Variants in GMPS observed in about 807,000 individuals in gnomAD.
GMPS encodes GMP synthase [glutamine-hydrolyzing].
A neutral mutation model predicts 77.9 loss-of-function variants in GMPS; 15 were observed. That is an observed-to-expected ratio of 0.19 (90% CI 0.13 to 0.30). The LOEUF (loss-of-function observed/expected upper bound fraction) is 0.30, where lower values mean the gene tolerates loss of function less well. GMPS is among the 10% of genes least tolerant of loss of function. The pLI, the probability that GMPS is intolerant of heterozygous loss-of-function variation, is 1.00. For missense variants in GMPS, 590 were observed against 838.8 expected, an observed-to-expected ratio of 0.70 and a Z score of 3.66; for synonymous variants, 224 against 275.9, an observed-to-expected ratio of 0.81 and a Z score of 1.86.
chr3:155,870,316 C>G (rs1362313582), upstream of GMPS, among the ~76,000 whole-genome samples: 4 of 152,244 alleles, frequency 2.6e-5, no homozygotes, highest in Non-Finnish European at 5.9e-5. Context: ...CAGGCAAATC[C>G]GGCAGCAGCA....
Position 155,939,252 on chromosome 3 carries a change from G to A in GMPS, c.*1560G>A, listed in dbSNP as rs947917395. The A allele has an allele frequency of 4.6e-6, 1 of 219,458 alleles. No homozygotes were observed. Among genetic ancestry groups the A allele is most frequent in the African/African-American group, 2.2e-5 (1 of 44,692 alleles). 13.6% of individuals were successfully genotyped at this position (219,458 alleles called of 1,614,324 possible). On this transcript the variant is annotated 3_prime_UTR_variant, in exon 16 of 16. Coordinates refer to ENST00000496455, the MANE Select transcript of GMPS (RefSeq NM_003875.3). ...CCTTCTGGAAAGAGGCTATGTTAGT[G>A]ATCTGGTCTTTACAGATTTAGAGTC... is the stretch of plus-strand genomic sequence containing the variant.
At position 155,938,983 on chromosome 3, in the gene GMPS, G is replaced by A. The variant is rs1341673625; in HGVS notation, c.*1291G>A. ...GCTGCTTGTCTAGTTTAAAAGGTCA[G>A]ATCTATTAATCAGGAATGAAATTTT... On this transcript the variant is annotated 3_prime_UTR_variant, in exon 16 of 16. Transcript: ENST00000496455. The A allele has an allele frequency of 9.1e-6, 2 of 218,764 alleles. No homozygotes were observed. Among genetic ancestry groups the A allele is most frequent in the Non-Finnish European group, 1.8e-5 (2 of 109,132 alleles). 13.6% of individuals were successfully genotyped at this position (218,764 alleles called of 1,614,324 possible). A position where few individuals can be genotyped will look rare whatever the true frequency, so the allele number is the denominator to read the frequency against.
rs1577515266 is a variant in GMPS at position 155,904,050 on chromosome 3, C to T, written c.422+90C>T. 5 of 609,666 alleles carry T rather than the reference C, an allele frequency of 8.2e-6. No homozygotes were observed. In the East Asian group the frequency reaches 1.5e-4, roughly 18 times the overall value. The allele number at this position is 609,666 out of a possible 1,614,324, so 37.8% of individuals were successfully genotyped here. A position where few individuals can be genotyped will look rare whatever the true frequency, so the allele number is the denominator to read the frequency against. ...TTTAACAATTGGAGATTCTATAATT[C>T]ATAAACAAAATTAAGGGTATAGTAG... On this transcript the variant is annotated intron_variant, in intron 4 of 15. Coordinates refer to ENST00000496455, the MANE Select transcript of GMPS (RefSeq NM_003875.3).
intron 9 of GMPS, 33 bp downstream of exon 9, chr3:155,916,225 G>A (rs200609845): frequency 1.0e-5 from 14 of 1,405,880 alleles, no homozygotes; most frequent in Non-Finnish European, 1.4e-5. Flanking sequence ...TCATAAAGTA[G>A]ATACATGGAA....
chr3:155,935,026 A>G lies in GMPS; in HGVS notation c.1787A>G (p.His596Arg), dbSNP rs770636391. Residue 596 changes from histidine (H) to arginine (R), a missense_variant, in exon 14 of 16, where the codon CAT (histidine) becomes CGT (arginine). Coordinates refer to ENST00000496455, the MANE Select transcript of GMPS (RefSeq NM_003875.3). ...STLRQADFEA[H>R]NILRESGYAG... Reference sequence around the variant, plus strand: ...TTACGCCAAGCTGATTTTGAGGCCCATAACATTCTCAGGGAGTCTGGTAAG... The same window carrying G: ...TTACGCCAAGCTGATTTTGAGGCCCGTAACATTCTCAGGGAGTCTGGTAAG... The G allele has an allele frequency of 9.3e-6, 15 of 1,609,960 alleles. No homozygotes were observed. Among genetic ancestry groups the G allele is most frequent in the Non-Finnish European group, 1.3e-5 (15 of 1,176,186 alleles).
chr3:155,914,377 A>G, intron 7 of GMPS, 42 bp from the exon 8 acceptor site: 2 of 1,385,512 alleles, frequency 1.4e-6, no homozygotes, highest in Admixed American at 2.8e-5. Flanking sequence ...TGATTAAAAA[A>G]CATGTTATAC....
intron 1 of GMPS, among the ~76,000 whole-genome samples, chr3:155,884,831 A>G (rs989776448): frequency 6.6e-6 from 1 of 152,188 alleles, no homozygotes; most frequent in Non-Finnish European, 1.5e-5. Flanking sequence ...AGAACTGGTA[A>G]CTAAGTTGAA....
chr3:155,922,430 G>A, intron 11 of GMPS, 128 bp downstream of exon 11: 1 of 483,150 alleles, frequency 2.1e-6, no homozygotes, highest in Non-Finnish European at 3.7e-6. Flanking sequence ...TGAAATGACT[G>A]TGGAGAAAAT....
Position 155,889,502 on chromosome 3 carries a change from C to T in GMPS, c.28-4016C>T, listed in dbSNP as rs147547425. 6.4e-3 allele frequency among the ~76,000 whole-genome samples: 975 copies of T among 152,294 alleles called. 9 individuals are homozygous for T. The highest frequency in any genetic ancestry group is 9.7e-3 in the Non-Finnish European group (663 of 68,026). ...GTACCTCTTGGGTGTTGGGAATTCT[C>T]CTGTTTTCAGGTCCTTTAATAAGGC... On this transcript the variant is annotated intron_variant, in intron 1 of 15. Coordinates refer to ENST00000496455, the MANE Select transcript of GMPS (RefSeq NM_003875.3).
At chr3:155,920,205 TC>T (rs1386426405) in intron 10 of GMPS, among the ~76,000 whole-genome samples, 1 of 152,166 alleles carries the variant, frequency 6.6e-6, no homozygotes, top group East Asian at 1.9e-4. Flanking sequence ...CAGAATGATA[TC>T]CCCAATAATT....
In GMPS at chr3:155,941,397, AGTCTC is replaced by A. The variant is rs371738228; in HGVS notation, c.*3706_*3710del. On this transcript the variant is annotated 3_prime_UTR_variant, in exon 16 of 16. Coordinates refer to ENST00000496455, the MANE Select transcript of GMPS (RefSeq NM_003875.3). ...CCGGCCTGGTGAAAGAGCGAGACTC[AGTCTC>A]AAAAAAAAAAAAAAAAGGAAGTTCT... is the stretch of plus-strand genomic sequence containing the variant. 0.019 allele frequency: 2,722 copies of A among 142,702 alleles called. 84 individuals carry two copies. Among genetic ancestry groups the A allele is most frequent in the African/African-American group, 0.088 (2,528 of 28,640 alleles). The allele number at this position is 142,702 out of a possible 1,614,324, so 8.8% of individuals were successfully genotyped here.
At chr3:155,869,557 T>C (rs145202930), upstream of GMPS, among the ~76,000 whole-genome samples, 1 of 152,346 alleles carries the variant, frequency 6.6e-6, no homozygotes, top group African/African-American at 2.4e-5. Context: ...AATATTTCAC[T>C]AATAAACTGT....
At chr3:155,873,650 T>TTTTTTTTTTTTTTTTA (rs1753956099) in intron 1 of GMPS, among the ~76,000 whole-genome samples, 1 of 140,820 alleles carries the variant, frequency 7.1e-6, no homozygotes, top group Non-Finnish European at 1.5e-5. Context: ...TTTTTTTTTT[T>TTTTTTTTTTTTTTTTA]TTGAGATGGA....
intron 1 of GMPS, among the ~76,000 whole-genome samples, chr3:155,892,258 GAC>G (rs1414490599): frequency 6.6e-6 from 1 of 151,966 alleles, no homozygotes; most frequent in African/African-American, 2.4e-5. Context: ...TTTTATATAA[GAC>G]ACATTGAAGT....
At chr3:155,934,137 T>G (rs985130648) in intron 13 of GMPS, among the ~76,000 whole-genome samples, 4 of 152,240 alleles carry the variant, frequency 2.6e-5, no homozygotes, top group Non-Finnish European at 5.9e-5. Context: ...AGTTTCCTCT[T>G]GGAGATTTCC....
At position 155,943,776 on chromosome 3, in the gene GMPS, A is replaced by G; in HGVS notation, c.*6084A>G. The G allele has an allele frequency of 6.3e-6, 1 of 158,764 alleles. No individual in the cohort carries two copies. Among genetic ancestry groups the G allele is most frequent in the Non-Finnish European group, 1.4e-5 (1 of 71,832 alleles). 9.8% of individuals were successfully genotyped at this position (158,764 alleles called of 1,614,324 possible). A position where few individuals can be genotyped will look rare whatever the true frequency, so the allele number is the denominator to read the frequency against. On this transcript the variant is annotated 3_prime_UTR_variant, in exon 16 of 16. Transcript: ENST00000496455. Reference sequence around the variant, plus strand: ...AGCTTCCGTGTTTATGAGAAATTCCAAGAAGTAAGAGCCAAGAGGACAGAT... The same window carrying G: ...AGCTTCCGTGTTTATGAGAAATTCCGAGAAGTAAGAGCCAAGAGGACAGAT...
chr3:155,911,802 G>C (rs1357890475), intron 7 of GMPS, among the ~76,000 whole-genome samples: 1 of 147,600 alleles, frequency 6.8e-6, no homozygotes, highest in Non-Finnish European at 1.5e-5. Context: ...TCATGCCACT[G>C]CACTCCAGCC....
upstream of GMPS, chr3:155,870,578 G>A (rs927494212): frequency 5.4e-6 from 2 of 371,630 alleles, no homozygotes; most frequent in South Asian, 1.1e-4. Context: ...GGTATCTGAG[G>A]CTCGGCTGCC....
intron 1 of GMPS, among the ~76,000 whole-genome samples, chr3:155,893,200 A>G (rs1754516055): frequency 6.6e-6 from 1 of 152,186 alleles, no homozygotes; most frequent in African/African-American, 2.4e-5. Context: ...ATAAACCAGG[A>G]CTATATTTTG....
Sources: allele counts gnomAD v4.1 joint callset (sites outside exome capture counted in the v4.1 genomes callset), GRCh38; gene constraint gnomAD v4.1.1; transcripts MANE v1.5; gene names NCBI Gene and HGNC (gene_info 2026-07-23, HGNC 2026-07-21).